Variants in GPM6A observed in about 807,000 individuals in gnomAD.
GPM6A encodes the protein neuronal membrane glycoprotein M6-a.
In GPM6A, 7 loss-of-function variants were observed where a neutral mutation model predicts 32.1. The ratio of observed to expected loss-of-function variants is 0.22; its 90% confidence interval spans 0.12 to 0.41. The LOEUF (loss-of-function observed/expected upper bound fraction) is 0.41. Ranked by LOEUF, GPM6A falls within the 10% of genes least tolerant of loss-of-function variation. GPM6A has a pLI of 1.00. For missense variants in GPM6A, 235 were observed against 347.2 expected (o/e 0.68, Z 2.57); for synonymous variants, 130 against 123.4 (o/e 1.05, Z -0.35).
At chr4:175,637,335 T>A (rs1349722816) in intron 6 of GPM6A, among the ~76,000 whole-genome samples, 1 of 73,492 alleles carries the variant, frequency 1.4e-5, no homozygotes, top group African/African-American at 5.2e-5. Flanking sequence ...TATTATATAT[T>A]ATATATTATA....
At chr4:175,688,435 C>G (rs1468461790) in intron 2 of GPM6A, among the ~76,000 whole-genome samples, 1 of 151,860 alleles carries the variant, frequency 6.6e-6, no homozygotes, top group Non-Finnish European at 1.5e-5. Flanking sequence ...GTTTTTCCAG[C>G]ATCCTTTATT....
At chr4:175,951,499 G>A (rs1320994895) in intron 1 of GPM6A, among the ~76,000 whole-genome samples, 2 of 152,138 alleles carry the variant, frequency 1.3e-5, no homozygotes, top group Non-Finnish European at 2.9e-5. Flanking sequence ...ACCTCTGACG[G>A]CGAAATAATC....
intron 1 of GPM6A, among the ~76,000 whole-genome samples, chr4:175,759,837 A>G (rs1732669985): frequency 6.6e-6 from 1 of 152,150 alleles, no homozygotes; most frequent in South Asian, 2.1e-4. Flanking sequence ...TAAGAAAGAG[A>G]TTATCTTTTA....
intron 3 of GPM6A, among the ~76,000 whole-genome samples, chr4:175,655,031 C>G (rs1742005640): frequency 6.6e-6 from 1 of 152,086 alleles, no homozygotes; most frequent in Non-Finnish European, 1.5e-5. Context: ...TAGCTTGGAA[C>G]ACTTTGAAGT....
At chr4:175,964,926 C>G (rs371552216) in intron 1 of GPM6A, among the ~76,000 whole-genome samples, 1 of 152,162 alleles carries the variant, frequency 6.6e-6, no homozygotes, top group Admixed American at 6.5e-5. Flanking sequence ...AGCAATATAC[C>G]TGAGGCAAAA....
At chr4:175,713,387 T>G (rs186900770) in intron 1 of GPM6A, among the ~76,000 whole-genome samples, 2 of 152,092 alleles carry the variant, frequency 1.3e-5, no homozygotes, top group Admixed American at 1.3e-4. Context: ...GAGACGGGGT[T>G]TCATCATATT....
chr4:175,710,768 A>G (rs1337676068), intron 1 of GPM6A, among the ~76,000 whole-genome samples: 1 of 152,076 alleles, frequency 6.6e-6, no homozygotes, highest in Admixed American at 6.5e-5. Context: ...CCTTACACAC[A>G]ACTTTTGTTA....
chr4:175,992,091 C>CACACACAG (rs1561026199), intron 1 of GPM6A, among the ~76,000 whole-genome samples: 4 of 151,440 alleles, frequency 2.6e-5, no homozygotes, highest in African/African-American at 9.7e-5. Context: ...CACACACACA[C>CACACACAG]AGAGATGTAA....
At chr4:175,784,392 G>A (rs1263209052) in intron 1 of GPM6A, among the ~76,000 whole-genome samples, 1 of 152,110 alleles carries the variant, frequency 6.6e-6, no homozygotes, top group African/African-American at 2.4e-5. Flanking sequence ...CAGATAATTA[G>A]TAGGTAACAT....
intron 1 of GPM6A, among the ~76,000 whole-genome samples, chr4:175,963,356 T>C (rs1254941412): frequency 1.3e-5 from 2 of 151,756 alleles, no homozygotes; most frequent in African/African-American, 4.8e-5. Context: ...AAAAATGAAA[T>C]CTAGGCAAAC....
chr4:175,711,707 C>T (rs10022458), intron 1 of GPM6A, among the ~76,000 whole-genome samples: 13,321 of 129,470 alleles, frequency 0.1, 858 homozygotes, highest in East Asian at 0.24. Context: ...GAGAAGTTCT[C>T]GCTAGTTTGG....
At chr4:175,835,633 A>G (rs902080995) in intron 1 of GPM6A, among the ~76,000 whole-genome samples, 17 of 143,910 alleles carry the variant, frequency 1.2e-4, no homozygotes, top group Admixed American at 2.8e-4. Context: ...GTGTGTATAT[A>G]TATATATATA....
intron 1 of GPM6A, among the ~76,000 whole-genome samples, chr4:175,983,364 G>C (rs1212250464): frequency 6.6e-6 from 1 of 152,156 alleles, no homozygotes; most frequent in African/African-American, 2.4e-5. Flanking sequence ...ATACCATGCA[G>C]AGCTTTCTAT....
chr4:175,686,359 A>T (rs1743981002), intron 2 of GPM6A, among the ~76,000 whole-genome samples: 1 of 152,216 alleles, frequency 6.6e-6, no homozygotes, highest in Non-Finnish European at 1.5e-5. Flanking sequence ...ATATTACTTA[A>T]CATGGCAAAG....
chr4:175,914,640 A>G (rs1201590654), intron 1 of GPM6A, among the ~76,000 whole-genome samples: 3 of 152,190 alleles, frequency 2.0e-5, no homozygotes, highest in Non-Finnish European at 4.4e-5. Context: ...TGCATTTTAC[A>G]TAAGATAAAG....
At chr4:175,637,827 A>C (rs1473427223) in intron 6 of GPM6A, among the ~76,000 whole-genome samples, 1 of 118,330 alleles carries the variant, frequency 8.5e-6, no homozygotes, top group East Asian at 2.1e-4. Flanking sequence ...TATTATATAT[A>C]AAAATATATA....
intron 1 of GPM6A, among the ~76,000 whole-genome samples, chr4:175,976,323 G>T (rs1362046962): frequency 1.3e-5 from 1 of 76,102 alleles, no homozygotes; most frequent in African/African-American, 4.4e-5. Flanking sequence ...CACCACGCCT[G>T]GCTAATTTTT....
chr4:175,887,533 A>G, intron 1 of GPM6A, among the ~76,000 whole-genome samples: 1 of 151,934 alleles, frequency 6.6e-6, no homozygotes, highest in Non-Finnish European at 1.5e-5. Context: ...GATCACAAGA[A>G]GCAATAAAGA....
chr4:175,724,530 G>A (rs1301841223), intron 1 of GPM6A, among the ~76,000 whole-genome samples: 1 of 152,088 alleles, frequency 6.6e-6, no homozygotes, highest in Non-Finnish European at 1.5e-5. Flanking sequence ...GGAGGACAGA[G>A]TGAGATTCCA....
Sources: allele counts gnomAD v4.1 joint callset (sites outside exome capture counted in the v4.1 genomes callset), GRCh38; gene constraint gnomAD v4.1.1; transcripts MANE v1.5; gene names NCBI Gene and HGNC (gene_info 2026-07-23, HGNC 2026-07-21).